PAK1: variants seen among roughly 807,000 people sequenced by gnomAD.
PAK1 encodes the protein serine/threonine-protein kinase PAK 1.
In PAK1, 29 loss-of-function variants were observed where a neutral mutation model predicts 67.4. The observed-to-expected ratio is 0.43, with a 90% CI of 0.32 to 0.59. The LOEUF is 0.59. Among genes scored for constraint, PAK1 ranks in the 20% least tolerant of loss-of-function variants. The pLI is 0.07. For missense variants in PAK1, 337 were observed against 670.7 expected (o/e 0.50, Z 5.50); for synonymous variants, 223 against 237.4 (o/e 0.94, Z 0.56).
At chr11:77,423,332 TA>T (rs142590494) in intron 1 of PAK1, among the ~76,000 whole-genome samples, 10,675 of 134,286 alleles carry the variant, frequency 0.079, 1,046 homozygotes, top group African/African-American at 0.23. Context: ...CCAAGTTCTT[TA>T]AAAAAAAAAA....
At chr11:77,336,807 C>A (rs1565584088) in intron 12 of PAK1, among the ~76,000 whole-genome samples, 1 of 152,000 alleles carries the variant, frequency 6.6e-6, no homozygotes, top group Non-Finnish European at 1.5e-5. Context: ...GGTCTTTACA[C>A]CTTTGAACAA....
chr11:77,322,849 T>C lies in PAK1; in HGVS notation c.*425A>G. On this transcript the variant is annotated 3_prime_UTR_variant, in exon 15 of 15. Transcript: ENST00000356341. ...CAAGTACAATGAGGTGTCTGGGCAG[T>C]TGAGTCACAGAAAAGCAAGCACTAA... 1 of 477,252 alleles carries C rather than the reference T, an allele frequency of 2.1e-6. No individual in the cohort carries two copies. Among genetic ancestry groups the C allele is most frequent in the Non-Finnish European group, 3.7e-6 (1 of 267,966 alleles). The allele number at this position is 477,252 out of a possible 1,614,324, so 29.6% of individuals were successfully genotyped here.
At chr11:77,464,582 G>A (rs1250675797) in intron 1 of PAK1, among the ~76,000 whole-genome samples, 6 of 152,130 alleles carry the variant, frequency 3.9e-5, no homozygotes, top group Non-Finnish European at 8.8e-5. Context: ...TCTAATTAAG[G>A]AATAAATAGA....
chr11:77,521,589 T>A, the PAK1 span, among the ~76,000 whole-genome samples: 1 of 151,554 alleles, frequency 6.6e-6, no homozygotes, highest in Admixed American at 6.6e-5. Flanking sequence ...ATAAACCGAA[T>A]GTTAAGGTGC....
intron 1 of PAK1, among the ~76,000 whole-genome samples, chr11:77,405,773 T>C (rs145184852): frequency 6.6e-6 from 1 of 151,718 alleles, no homozygotes; most frequent in East Asian, 2.0e-4. Context: ...CTCCCCTTCA[T>C]AGCAAAACTT....
At chr11:77,396,628 G>C (rs1951868701) in intron 1 of PAK1, among the ~76,000 whole-genome samples, 1 of 152,162 alleles carries the variant, frequency 6.6e-6, no homozygotes, top group Non-Finnish European at 1.5e-5. Flanking sequence ...ATTCAGAAAA[G>C]ACCACTATCT....
the PAK1 span, among the ~76,000 whole-genome samples, chr11:77,485,755 G>A: frequency 2.0e-5 from 3 of 152,182 alleles, no homozygotes; most frequent in African/African-American, 4.8e-5. Flanking sequence ...GATTACAGGC[G>A]TGAGCCACCA....
the PAK1 span, among the ~76,000 whole-genome samples, chr11:77,526,016 C>A: frequency 6.6e-6 from 1 of 152,154 alleles, no homozygotes; most frequent in Admixed American, 6.5e-5. Flanking sequence ...CTTTCAGAAT[C>A]CTGCTTCACA....
chr11:77,498,677 C>T, the PAK1 span, among the ~76,000 whole-genome samples: 1 of 147,112 alleles, frequency 6.8e-6, no homozygotes, highest in Non-Finnish European at 1.5e-5. Context: ...GTATTTTTAA[C>T]ACCCTTGCTT....
intron 10 of PAK1, among the ~76,000 whole-genome samples, chr11:77,341,077 T>C (rs1943523565): frequency 6.6e-6 from 1 of 152,100 alleles, no homozygotes; most frequent in Admixed American, 6.5e-5. Flanking sequence ...CATCCTAAAA[T>C]TAGAAAGACT....
At chr11:77,436,908 C>T (rs192471171) in intron 1 of PAK1, among the ~76,000 whole-genome samples, 9 of 152,272 alleles carry the variant, frequency 5.9e-5, no homozygotes, top group East Asian at 1.9e-4. Flanking sequence ...AACTAAAATG[C>T]GCGACAGATG....
At chr11:77,481,220 T>TA in the PAK1 span, among the ~76,000 whole-genome samples, 1 of 152,320 alleles carries the variant, frequency 6.6e-6, no homozygotes, top group South Asian at 2.1e-4. Flanking sequence ...GTCTATTAAC[T>TA]TAATGTTCCA....
At chr11:77,366,618 C>T (rs1818124605) in intron 5 of PAK1, among the ~76,000 whole-genome samples, 1 of 152,138 alleles carries the variant, frequency 6.6e-6, no homozygotes, top group Non-Finnish European at 1.5e-5. Context: ...CATCATTATC[C>T]ATTAGGAAAT....
the PAK1 span, among the ~76,000 whole-genome samples, chr11:77,500,549 C>T: frequency 2.6e-5 from 4 of 151,892 alleles, no homozygotes; most frequent in African/African-American, 9.7e-5. Context: ...AAGCCCTCCT[C>T]AAGATTTCCG....
At chr11:77,388,206 G>GTTACTTAGATTTAGCCTAGGA (rs1306608150) in intron 2 of PAK1, among the ~76,000 whole-genome samples, 3 of 151,768 alleles carry the variant, frequency 2.0e-5, no homozygotes, top group African/African-American at 7.2e-5. Flanking sequence ...TTAGCCTAAG[G>GTTACTTAGATTTAGCCTAGGA]TTACTTAGAT....
At chr11:77,485,637 G>A in the PAK1 span, among the ~76,000 whole-genome samples, 1 of 152,032 alleles carries the variant, frequency 6.6e-6, no homozygotes, top group Non-Finnish European at 1.5e-5. Flanking sequence ...CACCTCACCT[G>A]GTGAATTTTG....
rs116204230 is a variant in PAK1 at position 77,400,470 on chromosome 11, T to C, written c.-21-7929A>G. 3.7e-3 allele frequency among the ~76,000 whole-genome samples: 570 copies of C among 152,226 alleles called. 6 individuals carry two copies. Among genetic ancestry groups the C allele is most frequent in the African/African-American group, 0.013 (531 of 41,532 alleles). ...AGAGATGACAATGAGAAAAGAGGTA[T>C]TGCCTGGAGGAGGAGACCATCTGCT... On this transcript the variant is annotated intron_variant, in intron 1 of 14. Coordinates refer to ENST00000356341, the MANE Select transcript of PAK1 (RefSeq NM_002576.5).
At chr11:77,433,238 A>C (rs1412533756) in intron 1 of PAK1, among the ~76,000 whole-genome samples, 1 of 152,232 alleles carries the variant, frequency 6.6e-6, no homozygotes, top group Non-Finnish European at 1.5e-5. Flanking sequence ...TAAAAGTATA[A>C]AACTCTCAGA....
At chr11:77,442,999 T>G (rs1956424012) in intron 1 of PAK1, among the ~76,000 whole-genome samples, 1 of 152,202 alleles carries the variant, frequency 6.6e-6, no homozygotes, top group Non-Finnish European at 1.5e-5. Flanking sequence ...TAAATGAGAA[T>G]AGTTTCTAAA....
Sources: gnomAD v4.1 joint callset for allele counts (sites outside exome capture counted in the v4.1 genomes callset) on GRCh38, gnomAD v4.1.1 for gene constraint, MANE v1.5 for transcripts, NCBI Gene and HGNC (gene_info 2026-07-23, HGNC 2026-07-21) for gene names.